The following GPR158 variants were observed in gnomAD, a reference collection of about 807,000 sequenced individuals.
GPR158 encodes G protein-coupled receptor 158.
GPR158 carries 30 observed loss-of-function variants against 78.2 expected under a neutral mutation model. The observed-to-expected ratio is 0.38, with a 90% confidence interval of 0.29 to 0.52. The LOEUF (loss-of-function observed/expected upper bound fraction) is 0.52, where lower values mean the gene tolerates loss of function less well. GPR158 is among the 20% of genes least tolerant of loss of function. The pLI, the probability that GPR158 is intolerant of heterozygous loss-of-function variation, is 0.83. For missense variants in GPR158, 1,463 were observed against 1,523.5 expected (o/e 0.96, Z 0.66); for synonymous variants, 581 against 591.1 (o/e 0.98, Z 0.25).
At chr10:25,478,663 A>G (rs1403222223) in intron 5 of GPR158, among the ~76,000 whole-genome samples, 1 of 151,906 alleles carries the variant, frequency 6.6e-6, no homozygotes, top group African/African-American at 2.4e-5. Flanking sequence ...TTTTTATTAT[A>G]CTTTAAGTTC....
intron 2 of GPR158, among the ~76,000 whole-genome samples, chr10:25,380,312 G>A (rs1257667288): frequency 6.6e-6 from 1 of 152,072 alleles, no homozygotes; most frequent in African/African-American, 2.4e-5. Flanking sequence ...GTTCTTTGTA[G>A]TTTCAAATGT....
chr10:25,215,859 A>G (rs377256283), intron 1 of GPR158, among the ~76,000 whole-genome samples: 4 of 152,170 alleles, frequency 2.6e-5, no homozygotes, highest in Admixed American at 1.3e-4. Flanking sequence ...ACCACAAACC[A>G]GCTCCTTCTT....
chr10:25,333,876 C>T (rs1210553546), intron 2 of GPR158, among the ~76,000 whole-genome samples: 1 of 152,080 alleles, frequency 6.6e-6, no homozygotes, highest in African/African-American at 2.4e-5. Context: ...TATTTGACAT[C>T]ATTTGGGTTT....
chr10:25,241,176 TC>T (rs1853606793), intron 2 of GPR158, among the ~76,000 whole-genome samples: 1 of 96,428 alleles, frequency 1.0e-5, no homozygotes, highest in Non-Finnish European at 2.1e-5. Flanking sequence ...TTTCTTTCTT[TC>T]TTTCTTTCTT....
At chr10:25,521,063 C>T (rs1374524913) in intron 5 of GPR158, among the ~76,000 whole-genome samples, 1 of 152,346 alleles carries the variant, frequency 6.6e-6, no homozygotes, top group East Asian at 1.9e-4. Context: ...GATATAGTCT[C>T]GTGGTGCGCC....
intron 4 of GPR158, among the ~76,000 whole-genome samples, chr10:25,461,359 A>G (rs1835356850): frequency 6.6e-6 from 1 of 152,208 alleles, no homozygotes; most frequent in Non-Finnish European, 1.5e-5. Context: ...AAAGCAAAAC[A>G]GGCTTATTGC....
At chr10:25,308,149 T>A (rs1854709573) in intron 2 of GPR158, among the ~76,000 whole-genome samples, 1 of 152,180 alleles carries the variant, frequency 6.6e-6, no homozygotes, top group Admixed American at 6.5e-5. Flanking sequence ...CTTTTTTATT[T>A]TATTATTTTA....
intron 1 of GPR158, among the ~76,000 whole-genome samples, chr10:25,203,459 G>C (rs570009694): frequency 2.6e-4 from 39 of 152,130 alleles, no homozygotes; most frequent in Non-Finnish European, 4.4e-4. Flanking sequence ...TCCAGTTTCA[G>C]CTTTCTACAT....
intron 1 of GPR158, among the ~76,000 whole-genome samples, chr10:25,215,678 T>C (rs144186362): frequency 3.8e-4 from 58 of 151,986 alleles, no homozygotes; most frequent in African/African-American, 1.4e-3. Context: ...CTACTAAAAA[T>C]ACAAAAATTA....
chr10:25,250,677 A>T (rs1363487880), intron 2 of GPR158, among the ~76,000 whole-genome samples: 3 of 147,190 alleles, frequency 2.0e-5, no homozygotes, highest in Non-Finnish European at 3.0e-5. Context: ...GGTCTGAGAG[A>T]TAGTTTGTTA....
At chr10:25,438,623 C>G (rs906755536) in intron 4 of GPR158, among the ~76,000 whole-genome samples, 3 of 152,160 alleles carry the variant, frequency 2.0e-5, no homozygotes, top group Non-Finnish European at 4.4e-5. Flanking sequence ...AAAGATACTC[C>G]TGAGGTCATA....
At chr10:25,365,999 T>A (rs879860091) in intron 2 of GPR158, among the ~76,000 whole-genome samples, 1 of 151,772 alleles carries the variant, frequency 6.6e-6, no homozygotes, top group African/African-American at 2.4e-5. Flanking sequence ...ATATGACTTA[T>A]TTTGTTCAAC....
chr10:25,184,108 C>G lies in GPR158; in HGVS notation c.902+7786C>G, dbSNP rs1278527110. On this transcript the variant is annotated intron_variant, in intron 1 of 10. Coordinates refer to ENST00000376351, the MANE Select transcript of GPR158 (RefSeq NM_020752.3). ...CCAGGGTCTCTTCAACGACAAAGTT[C>G]TATTATCATCTATAAATTACCAACT... 2.6e-5 allele frequency among the ~76,000 whole-genome samples: 4 copies of G among 152,184 alleles called. No individual in the cohort carries two copies. In the East Asian group the frequency reaches 7.7e-4, roughly 29 times the overall value.
rs1834266326 is a variant in GPR158 at position 25,389,584 on chromosome 10, G to T, written c.1009-6327G>T. ...CAGTTGTCTGTGTACATTCTTCCTG[G>T]ATGGAGTACAAGAACTTGGGACCCG... On this transcript the variant is annotated intron_variant, in intron 2 of 10. Transcript: ENST00000376351. Among the ~76,000 whole-genome samples, 3 of 152,136 alleles carry T rather than the reference G, an allele frequency of 2.0e-5. No homozygotes were observed. In the South Asian group the frequency reaches 6.2e-4, roughly 32 times the overall value.
At chr10:25,564,197 ATGTTTGTG>A (rs1836898360) in intron 6 of GPR158, among the ~76,000 whole-genome samples, 2 of 152,186 alleles carry the variant, frequency 1.3e-5, no homozygotes, top group Non-Finnish European at 2.9e-5. Context: ...GATGAACTGC[ATGTTTGTG>A]TGTTGGGTAT....
intron 2 of GPR158, among the ~76,000 whole-genome samples, chr10:25,304,597 C>CTA (rs1211682539): frequency 6.6e-6 from 1 of 151,912 alleles, no homozygotes; most frequent in Admixed American, 6.6e-5. Flanking sequence ...ATATATAACT[C>CTA]TATATATAGA....
intron 2 of GPR158, among the ~76,000 whole-genome samples, chr10:25,228,406 C>T (rs1451428032): frequency 6.6e-6 from 1 of 151,950 alleles, no homozygotes; most frequent in Non-Finnish European, 1.5e-5. Context: ...AATTTAGAAA[C>T]AAATGCATAA....
chr10:25,519,681 T>C (rs954387188), intron 5 of GPR158, among the ~76,000 whole-genome samples: 1 of 138,620 alleles, frequency 7.2e-6, no homozygotes, highest in African/African-American at 3.2e-5. Flanking sequence ...TTCTTTTCTT[T>C]AAGAATGTTG....
chr10:25,502,075 C>G (rs889909979), intron 5 of GPR158, among the ~76,000 whole-genome samples: 1 of 152,108 alleles, frequency 6.6e-6, no homozygotes, highest in Non-Finnish European at 1.5e-5. Flanking sequence ...CGCCCAGTGC[C>G]CTGGAAGATT....
Sources: gnomAD v4.1 joint callset for allele counts (sites outside exome capture counted in the v4.1 genomes callset) on GRCh38, gnomAD v4.1.1 for gene constraint, MANE v1.5 for transcripts, NCBI Gene and HGNC (gene_info 2026-07-23, HGNC 2026-07-21) for gene names.